The following PAXIP1 variants were observed in gnomAD, a reference collection of about 807,000 sequenced individuals.
The protein encoded by PAXIP1 is PAX interacting protein 1, also known as PAX-interacting protein 1.
A neutral mutation model predicts 140.6 loss-of-function variants in PAXIP1; 19 were observed. The ratio of observed to expected loss-of-function variants is 0.14; its 90% CI spans 0.09 to 0.20. The LOEUF is 0.20. PAXIP1 is among the 10% of genes least tolerant of loss of function. The pLI, the probability that PAXIP1 is intolerant of heterozygous loss-of-function variation, is 1.00. For missense variants in PAXIP1, 920 were observed against 1,208.6 expected (o/e 0.76, Z 3.54); for synonymous variants, 442 against 444.6 (o/e 0.99, Z 0.07).
intron 11 of PAXIP1, 81 bp downstream of exon 11, chr7:154,961,446 C>T (rs1473074198): frequency 8.4e-6 from 10 of 1,195,486 alleles, no homozygotes; most frequent in Non-Finnish European, 1.1e-5. Context: ...CTATGACATA[C>T]TAAAAAAGGC....
rs888075771 is a variant in PAXIP1 at position 154,997,533 on chromosome 7, T to C, written c.216+1117A>G. On this transcript the variant is annotated intron_variant, in intron 2 of 20. Transcript: ENST00000404141. Reference sequence around the variant, plus strand: ...GAAGAGGGAAAAAATGGTAGTGGTATAGAACTATTTTAAAACAAATACTTC... The same window carrying C: ...GAAGAGGGAAAAAATGGTAGTGGTACAGAACTATTTTAAAACAAATACTTC... 2.6e-5 allele frequency among the ~76,000 whole-genome samples: 4 copies of C among 152,256 alleles called. 1 individual carries two copies. The East Asian group carries it at 7.7e-4, about 29-fold the overall frequency.
At chr7:154,982,888 C>T (rs774957413) in intron 5 of PAXIP1, among the ~76,000 whole-genome samples, 1 of 151,818 alleles carries the variant, frequency 6.6e-6, no homozygotes, top group Non-Finnish European at 1.5e-5. Flanking sequence ...AAAATGGTGA[C>T]GGGAACTAAA....
chr7:154,980,102 C>T (rs749156284), intron 5 of PAXIP1, among the ~76,000 whole-genome samples: 6 of 152,098 alleles, frequency 3.9e-5, no homozygotes, highest in African/African-American at 1.4e-4. Context: ...GCTGCATAGT[C>T]GAGGAATTAC....
At chr7:154,945,435 T>C in intron 20 of PAXIP1, 1 of 547,022 alleles carries the variant, frequency 1.8e-6, no homozygotes, top group Non-Finnish European at 2.3e-6. Context: ...TATACTTAAA[T>C]GTAATTACCT....
intron 16 of PAXIP1, chr7:154,949,280 T>C (rs1432807770): frequency 2.6e-5 from 4 of 152,168 alleles, no homozygotes; most frequent in Admixed American, 1.3e-4. Flanking sequence ...ATTTAAAAAA[T>C]GTAAAAACCA....
chr7:154,973,965 G>A lies in PAXIP1; in HGVS notation c.1074+1731C>T, dbSNP rs1432905937. ...GGAACAGCCCAGCTGGCTCTCAATGGTGCGGCTCCTCAGAGCCTGGCCCCA... is the reference window on the plus strand; with the variant it reads ...GGAACAGCCCAGCTGGCTCTCAATGATGCGGCTCCTCAGAGCCTGGCCCCA... On this transcript the variant is annotated intron_variant, in intron 6 of 20. Transcript: ENST00000404141. The surrounding 1 kb of genome is among the most constrained non-coding windows in gnomAD (Gnocchi z 4.0). Among the ~76,000 whole-genome samples, 2 of 152,296 alleles carry A rather than the reference G, an allele frequency of 1.3e-5. No individual in the cohort carries two copies. Among genetic ancestry groups the A allele is most frequent in the East Asian group, 1.9e-4 (1 of 5,174 alleles).
chr7:155,001,187 G>A (rs1810870771), intron 1 of PAXIP1: 1 of 152,154 alleles, frequency 6.6e-6, no homozygotes, highest in Non-Finnish European at 1.5e-5. Context: ...GGTTTGCCAA[G>A]GACATTTTTA....
chr7:154,985,585 T>C (rs1240023332), intron 4 of PAXIP1, among the ~76,000 whole-genome samples: 2 of 152,204 alleles, frequency 1.3e-5, no homozygotes, highest in African/African-American at 2.4e-5. Context: ...TCTCACACTC[T>C]ACAACTATCT....
chr7:154,985,804 C>T (rs1810042479), intron 4 of PAXIP1, among the ~76,000 whole-genome samples: 1 of 152,230 alleles, frequency 6.6e-6, no homozygotes, highest in Non-Finnish European at 1.5e-5. Flanking sequence ...TGACTATGAA[C>T]TCTAACACTC....
At chr7:154,947,770 A>G (rs1408697556) in intron 17 of PAXIP1, 133 bp downstream of exon 17, 6 of 705,020 alleles carry the variant, frequency 8.5e-6, no homozygotes, top group Non-Finnish European at 1.3e-5. Flanking sequence ...AAGGAAGCCA[A>G]GAGGTAAATG....
rs1418189948 is a variant in PAXIP1, at chr7:154,946,709, G to T, written c.3027C>A (p.Phe1009Leu). 1.2e-6 allele frequency: 2 copies of T among 1,613,744 alleles called. No individual in the cohort carries two copies. Among genetic ancestry groups the T allele is most frequent in the Admixed American group, 3.3e-5 (2 of 59,986 alleles). Residue 1009 changes from phenylalanine to leucine, a missense_variant, in exon 18 of 21, where the codon TTC (phenylalanine) becomes TTA (leucine). Physicochemically the swap from Phe to Leu is conservative, Grantham distance 22 (BLOSUM62 0). Around this residue, in one of 5 missense-constraint regions of PAXIP1, gnomAD observed 303 missense variants for 517.9 expected, o/e 0.59. Transcript: ENST00000404141. The surrounding 1 kb of genome is among the most constrained non-coding windows in gnomAD (Gnocchi z 4.9). ...GGKVLSKQPS[F>L]RKLMEHKQNS... is the part of the protein sequence containing the mutation. ...TCTGCTTGTGCTCCATGAGCTTCCG[G>T]AAAGATGGCTGCTTGGATAACACCT...
intron 17 of PAXIP1, chr7:154,947,538 C>A: frequency 5.0e-6 from 1 of 200,350 alleles, no homozygotes. Context: ...CATTTACTGA[C>A]AATAGTACGA....
chr7:154,991,790 T>C (rs958168212), intron 3 of PAXIP1, among the ~76,000 whole-genome samples: 49 of 152,250 alleles, frequency 3.2e-4, no homozygotes, highest in African/African-American at 1.1e-3. Context: ...CAATGACTTT[T>C]TTTGAATAAT....
intron 16 of PAXIP1, chr7:154,951,084 G>C (rs949591027): frequency 6.6e-6 from 1 of 152,286 alleles, no homozygotes; most frequent in African/African-American, 2.4e-5. Context: ...CCCAATGACT[G>C]TTCAAGGCCA....
Position 154,993,759 on chromosome 7 carries a change from A to G in PAXIP1, c.227T>C (p.Val76Ala). 1 of 1,588,914 alleles carries G rather than the reference A, an allele frequency of 6.3e-7. No individual in the cohort carries two copies. The highest frequency in any genetic ancestry group is 8.6e-7 in the Non-Finnish European group (1 of 1,168,148). Residue 76 changes from valine to alanine, a missense_variant, in exon 3 of 21, where the codon GTG becomes GCG. Val to Ala is a moderately conservative substitution (Grantham distance 64). Around this residue, in one of 5 missense-constraint regions of PAXIP1, gnomAD observed 419 missense variants for 514.7 expected, o/e 0.81. Transcript: ENST00000404141. ...FDLPVVKPSWVILSVQCGTLL... is the reference protein window; with the variant it reads ...FDLPVVKPSWAILSVQCGTLL... ...AGTTCCACACTGAACGGACAGAATC[A>G]CCCAAGAAGGCTGAAAAAGAAAAGA...
chr7:154,965,875 A>G (rs1808990855), intron 8 of PAXIP1, among the ~76,000 whole-genome samples: 1 of 152,182 alleles, frequency 6.6e-6, no homozygotes, highest in African/African-American at 2.4e-5. Context: ...CACACTGTTC[A>G]GGGGTCAGCG....
intron 7 of PAXIP1, among the ~76,000 whole-genome samples, chr7:154,968,120 A>C (rs1382359531): frequency 6.6e-6 from 1 of 152,162 alleles, no homozygotes. Context: ...ACTAAAACCA[A>C]GGTAACTCAT....
chr7:154,953,386 A>C (rs1373700725), intron 16 of PAXIP1, among the ~76,000 whole-genome samples: 1 of 152,204 alleles, frequency 6.6e-6, no homozygotes, highest in African/African-American at 2.4e-5. Flanking sequence ...TACATGATGG[A>C]GTAGCCAGGG....
At chr7:154,995,210 T>C (rs1810521742) in intron 2 of PAXIP1, among the ~76,000 whole-genome samples, 1 of 152,230 alleles carries the variant, frequency 6.6e-6, no homozygotes, top group African/African-American at 2.4e-5. Context: ...GAAGGTCTGA[T>C]TCTTCCTGTG....
Sources: allele counts gnomAD v4.1 joint callset (sites outside exome capture counted in the v4.1 genomes callset), GRCh38; gene constraint gnomAD v4.1.1; regional missense constraint gnomAD v4.1.1; non-coding constraint Gnocchi (gnomAD v3.1); transcripts MANE v1.5; gene names NCBI Gene and HGNC (gene_info 2026-07-23, HGNC 2026-07-21).